Variants in DENND5B observed in about 807,000 individuals in gnomAD.
The protein encoded by DENND5B is DENN domain containing 5B.
A neutral mutation model predicts 140.6 loss-of-function variants in DENND5B; 34 were observed. The ratio of observed to expected loss-of-function variants is 0.24; its 90% CI spans 0.18 to 0.32. The LOEUF is 0.32. DENND5B is among the 10% of genes least tolerant of loss of function. The probability of loss-of-function intolerance (pLI) is 1.00; values close to 1 mark genes in which losing one functional copy is unlikely to be tolerated. For missense variants in DENND5B, 1,142 were observed against 1,560.2 expected (o/e 0.73, Z 4.52); for synonymous variants, 551 against 562.1 (o/e 0.98, Z 0.28).
intron 7 of DENND5B, among the ~76,000 whole-genome samples, chr12:31,436,814 C>A (rs141818675): frequency 6.6e-6 from 1 of 152,126 alleles, no homozygotes; most frequent in Non-Finnish European, 1.5e-5. Context: ...GGATTACAGA[C>A]GTGAGTCACT....
At chr12:31,447,379 C>T (rs757743229) in intron 6 of DENND5B, among the ~76,000 whole-genome samples, 159 bp downstream of exon 6, 1 of 151,960 alleles carries the variant, frequency 6.6e-6, no homozygotes, top group African/African-American at 2.4e-5. Flanking sequence ...AGGAGTAGGA[C>T]TCAGAAAGAA....
At chr12:31,410,065 A>G (rs1269067017) in intron 13 of DENND5B, among the ~76,000 whole-genome samples, 3 of 152,214 alleles carry the variant, frequency 2.0e-5, no homozygotes, top group African/African-American at 4.8e-5. Flanking sequence ...CTTTTAACCT[A>G]ATAATTAAGG....
chr12:31,535,834 G>A (rs1948474886), intron 1 of DENND5B, among the ~76,000 whole-genome samples: 1 of 152,194 alleles, frequency 6.6e-6, no homozygotes, highest in South Asian at 2.1e-4. Flanking sequence ...TGGAGAAACA[G>A]AGATATGTGA....
intron 1 of DENND5B, among the ~76,000 whole-genome samples, chr12:31,514,447 A>G (rs1947545728): frequency 6.6e-6 from 1 of 152,200 alleles, no homozygotes; most frequent in South Asian, 2.1e-4. Context: ...AATACTACTG[A>G]CTTTGTGTAA....
At chr12:31,457,661 T>C (rs1406838041) in intron 4 of DENND5B, among the ~76,000 whole-genome samples, 1 of 152,004 alleles carries the variant, frequency 6.6e-6, no homozygotes, top group African/African-American at 2.4e-5. Flanking sequence ...CCTTTTCTTA[T>C]AAAACAATGA....
At chr12:31,557,079 T>C (rs1340334013) in intron 1 of DENND5B, among the ~76,000 whole-genome samples, 1 of 152,190 alleles carries the variant, frequency 6.6e-6, no homozygotes, top group African/African-American at 2.4e-5. Context: ...AGATATAAAA[T>C]GGAATTATCT....
chr12:31,574,137 C>T (rs1015744020), intron 1 of DENND5B, among the ~76,000 whole-genome samples: 2 of 151,330 alleles, frequency 1.3e-5, no homozygotes, highest in African/African-American at 4.9e-5. Flanking sequence ...GTGGCATGTG[C>T]CTGTGGTCCC....
At chr12:31,560,918 C>A (rs1434097435) in intron 1 of DENND5B, among the ~76,000 whole-genome samples, 1 of 151,302 alleles carries the variant, frequency 6.6e-6, no homozygotes, top group Non-Finnish European at 1.5e-5. Flanking sequence ...AATATTGCAA[C>A]CAGCTCCTTT....
Position 31,426,423 on chromosome 12 carries a change from T to G in DENND5B, c.2108A>C (p.Lys703Thr), listed in dbSNP as rs767797525. 4 of 1,608,322 alleles carry G rather than the reference T, an allele frequency of 2.5e-6. No individual in the cohort carries two copies. The highest frequency in any genetic ancestry group is 3.4e-6 in the Non-Finnish European group (4 of 1,177,566). Reference protein sequence around the residue: ...HVGLDNDLREKYMQEARSLGK... With the variant: ...HVGLDNDLRETYMQEARSLGK... ...TAAACTTCGTGCCTCTTGCATATAT[T>G]TCTAAAAAATCAAGGAGTATTTTTA... Residue 703 changes from lysine to threonine, a missense_variant and splice_region_variant, in exon 9 of 21, where the codon AAA (lysine) becomes ACA (threonine). Lys to Thr is a moderately conservative substitution (Grantham distance 78). Transcript: ENST00000389082.
intron 17 of DENND5B, among the ~76,000 whole-genome samples, chr12:31,396,688 G>A (rs763942840): frequency 6.6e-6 from 1 of 152,026 alleles, no homozygotes; most frequent in Non-Finnish European, 1.5e-5. Context: ...CATGAGCTCG[G>A]CTCACTGCAA....
Position 31,449,768 on chromosome 12 carries a change from C to T in DENND5B, c.1630-1999G>A, listed in dbSNP as rs973746527. On this transcript the variant is annotated intron_variant, in intron 5 of 20. Transcript: ENST00000389082. Reference sequence around the variant, plus strand: ...TTTTTTTGAGACAGAGTCTCGCTGTCGCCCAGGCTGGCGTCCAGTGGCGTG... The same window carrying T: ...TTTTTTTGAGACAGAGTCTCGCTGTTGCCCAGGCTGGCGTCCAGTGGCGTG... Among the ~76,000 whole-genome samples the T allele has an allele frequency of 9.4e-5, 12 of 127,188 alleles. No individual in the cohort carries two copies. In the East Asian group the frequency reaches 2.5e-3, roughly 26 times the overall value. The allele number at this position is 127,188 out of a possible 152,430, so 83.4% of individuals were successfully genotyped here. A position where few individuals can be genotyped will look rare whatever the true frequency, so the allele number is the denominator to read the frequency against.
At position 31,429,027 on chromosome 12, in the gene DENND5B, G is replaced by A. The variant is rs1480055145; in HGVS notation, c.2107-2603C>T. 4.1e-5 allele frequency among the ~76,000 whole-genome samples: 6 copies of A among 145,686 alleles called. No individual in the cohort carries two copies. The East Asian group carries it at 6.3e-4, about 15-fold the overall frequency. On this transcript the variant is annotated intron_variant, in intron 8 of 20. Coordinates refer to ENST00000389082, the MANE Select transcript of DENND5B (RefSeq NM_144973.4). ...ATTACAGGTGTGAGCCACTGCACCCGGCCACGCCCGGCTAATTTTTATATT... is the reference window on the plus strand; with the variant it reads ...ATTACAGGTGTGAGCCACTGCACCCAGCCACGCCCGGCTAATTTTTATATT...
intron 1 of DENND5B, among the ~76,000 whole-genome samples, chr12:31,541,962 C>A (rs1948692627): frequency 6.6e-6 from 1 of 152,134 alleles, no homozygotes; most frequent in South Asian, 2.1e-4. Context: ...AGACAAACTT[C>A]ACATGTTTTC....
At chr12:31,574,295 A>AATAATAATAATAATTATTATT (rs374578025) in intron 1 of DENND5B, among the ~76,000 whole-genome samples, 41 of 144,592 alleles carry the variant, frequency 2.8e-4, no homozygotes, top group South Asian at 1.5e-3. Context: ...TAATAATAAT[A>AATAATAATAATAATTATTATT]ATTTAAAAGG....
At chr12:31,524,540 CT>C (rs1948019010) in intron 1 of DENND5B, among the ~76,000 whole-genome samples, 1 of 152,098 alleles carries the variant, frequency 6.6e-6, no homozygotes, top group South Asian at 2.1e-4. Flanking sequence ...GTAATCCCAG[CT>C]ACTTGGGAGG....
intron 1 of DENND5B, among the ~76,000 whole-genome samples, chr12:31,497,482 G>C (rs1257984869): frequency 6.6e-6 from 1 of 151,938 alleles, no homozygotes. Flanking sequence ...AAAGTCAGCA[G>C]AGGAATGTGA....
rs1333084477 is a variant in DENND5B, at chr12:31,413,369, T to C, written c.2681+67A>G. 1.7e-5 allele frequency: 27 copies of C among 1,558,512 alleles called. No homozygotes were observed. In the Admixed American group the frequency reaches 2.2e-4, roughly 13 times the overall value. Reference sequence around the variant, plus strand: ...CATACTGAAGAAGCCAGTTTGTCAGTTTATGCAACTTGTTTTGTATGCACA... The same window carrying C: ...CATACTGAAGAAGCCAGTTTGTCAGCTTATGCAACTTGTTTTGTATGCACA... On this transcript the variant is annotated intron_variant, in intron 13 of 20. Coordinates refer to ENST00000389082, the MANE Select transcript of DENND5B (RefSeq NM_144973.4).
intron 1 of DENND5B, among the ~76,000 whole-genome samples, chr12:31,582,291 CG>C (rs1249739821): frequency 6.6e-6 from 1 of 152,132 alleles, no homozygotes; most frequent in African/African-American, 2.4e-5. Flanking sequence ...TCAAGACAGA[CG>C]AGAACACTGA....
chr12:31,448,861 AC>A (rs869051061), intron 5 of DENND5B, among the ~76,000 whole-genome samples: 1 of 152,106 alleles, frequency 6.6e-6, no homozygotes, highest in Non-Finnish European at 1.5e-5. Context: ...AAACAAACAA[AC>A]AAAAACAAAT....
Sources: allele counts gnomAD v4.1 joint callset (sites outside exome capture counted in the v4.1 genomes callset), GRCh38; gene constraint gnomAD v4.1.1; transcripts MANE v1.5; gene names NCBI Gene and HGNC (gene_info 2026-07-23, HGNC 2026-07-21).